The following YAF2 variants were observed in gnomAD, a reference collection of about 807,000 sequenced individuals.
YAF2 encodes YY1-associated factor 2.
A neutral mutation model predicts 20.1 loss-of-function variants in YAF2; 7 were observed. The observed-to-expected ratio is 0.35, with a 90% CI of 0.20 to 0.65. YAF2 has a LOEUF of 0.65. Among genes scored for constraint, YAF2 ranks in the 30% least tolerant of loss-of-function variants. The probability of loss-of-function intolerance (pLI) is 0.69; values close to 1 mark genes in which losing one functional copy is unlikely to be tolerated. For synonymous variants in YAF2, 74 were observed against 76.0 expected (o/e 0.97, Z 0.14); for missense variants, 151 against 219.2 (o/e 0.69, Z 1.96).
At chr12:42,225,538 C>T (rs770825439) in intron 2 of YAF2, among the ~76,000 whole-genome samples, 6 of 152,156 alleles carry the variant, frequency 3.9e-5, no homozygotes, top group African/African-American at 7.2e-5. Context: ...TTTAATCCAT[C>T]TTGAGTCAAT....
intron 2 of YAF2, among the ~76,000 whole-genome samples, chr12:42,188,820 C>T (rs2066539898): frequency 6.6e-6 from 1 of 151,906 alleles, no homozygotes; most frequent in South Asian, 2.1e-4. Flanking sequence ...CTATTACATG[C>T]AAGGCACTGT....
intron 2 of YAF2, among the ~76,000 whole-genome samples, chr12:42,205,029 T>A (rs1270024613): frequency 6.6e-6 from 1 of 151,530 alleles, no homozygotes; most frequent in Admixed American, 6.6e-5. Flanking sequence ...TAATATGGTA[T>A]GTGAATATCT....
chr12:42,178,170 C>T (rs1361582960), intron 2 of YAF2, among the ~76,000 whole-genome samples: 2 of 151,980 alleles, frequency 1.3e-5, no homozygotes, highest in Non-Finnish European at 2.9e-5. Context: ...AATGAATGAA[C>T]GTTAAACCAT....
At position 42,160,431 on chromosome 12, in the gene YAF2, T is replaced by C. The variant is rs2065773909; in HGVS notation, c.*158A>G. On this transcript the variant is annotated 3_prime_UTR_variant, in exon 4 of 4. Transcript: ENST00000534854. ...AAATGTTTGGTAGGCATCATTGCAA[T>C]AAAATCTAACAAATTCTAACAAATT... is the stretch of plus-strand genomic sequence containing the variant. 1 of 636,910 alleles carries C rather than the reference T, an allele frequency of 1.6e-6. No individual in the cohort carries two copies. The highest frequency in any genetic ancestry group is 2.6e-6 in the Non-Finnish European group (1 of 377,508). 39.5% of individuals were successfully genotyped at this position (636,910 alleles called of 1,614,324 possible).
chr12:42,210,108 A>G (rs1194402142), intron 2 of YAF2, among the ~76,000 whole-genome samples: 1 of 152,162 alleles, frequency 6.6e-6, no homozygotes, highest in Non-Finnish European at 1.5e-5. Flanking sequence ...AACTAAATGT[A>G]TAATTTTTTA....
rs542011031 is a variant in YAF2, at chr12:42,229,854, T to C, written c.152+7745A>G. Among the ~76,000 whole-genome samples the C allele has an allele frequency of 1.9e-4, 29 of 152,336 alleles. No homozygotes were observed. In the South Asian group the frequency reaches 2.9e-3, roughly 15 times the overall value. ...AAAATATAGTATCATTTTATGGGAC[T>C]GTATATGTGGTCCCCCACTCACCAA... On this transcript the variant is annotated intron_variant, in intron 2 of 3. Transcript: ENST00000534854.
intron 2 of YAF2, among the ~76,000 whole-genome samples, chr12:42,227,728 A>G (rs2067776719): frequency 1.4e-5 from 2 of 140,826 alleles, no homozygotes; most frequent in East Asian, 2.3e-4. Flanking sequence ...CCCGGCAGCC[A>G]CCCCGTCCGG....
At chr12:42,169,082 T>C (rs971461350) in intron 2 of YAF2, among the ~76,000 whole-genome samples, 2 of 152,208 alleles carry the variant, frequency 1.3e-5, no homozygotes, top group East Asian at 3.9e-4. Flanking sequence ...ATGTCTGCTA[T>C]TCTCTCAGTT....
At chr12:42,180,650 A>G (rs946020881) in intron 2 of YAF2, among the ~76,000 whole-genome samples, 1 of 152,296 alleles carries the variant, frequency 6.6e-6, no homozygotes, top group East Asian at 1.9e-4. Context: ...TTATACTATA[A>G]TATTTCAAGT....
intron 2 of YAF2, among the ~76,000 whole-genome samples, chr12:42,169,855 T>C (rs1005877469): frequency 2.0e-5 from 3 of 151,596 alleles, no homozygotes; most frequent in Non-Finnish European, 2.9e-5. Context: ...GTTTCCTTCC[T>C]TCCTTTTCTC....
At chr12:42,209,236 A>G (rs2067136582) in intron 2 of YAF2, among the ~76,000 whole-genome samples, 1 of 151,686 alleles carries the variant, frequency 6.6e-6, no homozygotes, top group Non-Finnish European at 1.5e-5. Context: ...TACATTGAAA[A>G]CTGTCATTAA....
At chr12:42,188,383 CTTTT>C (rs765727694) in intron 2 of YAF2, among the ~76,000 whole-genome samples, 1 of 118,832 alleles carries the variant, frequency 8.4e-6, no homozygotes, top group African/African-American at 3.1e-5. Context: ...ATATATTTTG[CTTTT>C]TTTTTTTTTT....
At chr12:42,169,085 T>C (rs980128837) in intron 2 of YAF2, among the ~76,000 whole-genome samples, 1 of 152,212 alleles carries the variant, frequency 6.6e-6, no homozygotes, top group African/African-American at 2.4e-5. Context: ...TCTGCTATTC[T>C]CTCAGTTGTG....
intron 2 of YAF2, among the ~76,000 whole-genome samples, chr12:42,179,410 T>C (rs1156814596): frequency 6.6e-6 from 1 of 152,136 alleles, no homozygotes; most frequent in Non-Finnish European, 1.5e-5. Context: ...AAAGAGGTTT[T>C]AGTGAGCCAA....
In YAF2 at chr12:42,168,781, T is replaced by C. The variant is rs1256380219; in HGVS notation, c.153-7016A>G. Reference sequence around the variant, plus strand: ...CTAAGGGCATATTTGCACATTTACATGTCATTTGGTTGAGATGGCCTGCCT... The same window carrying C: ...CTAAGGGCATATTTGCACATTTACACGTCATTTGGTTGAGATGGCCTGCCT... On this transcript the variant is annotated intron_variant, in intron 2 of 3. Transcript: ENST00000534854. Among the ~76,000 whole-genome samples, 9 of 152,164 alleles carry C rather than the reference T, an allele frequency of 5.9e-5. 1 individual carries two copies. The highest frequency in any genetic ancestry group is 4.6e-4 in the Admixed American group (7 of 15,274).
chr12:42,205,970 A>C, intron 2 of YAF2: 1 of 343,884 alleles, frequency 2.9e-6, no homozygotes, highest in Non-Finnish European at 5.8e-6. Flanking sequence ...TTGCTTCTCC[A>C]CTCCTCTGTG....
intron 2 of YAF2, among the ~76,000 whole-genome samples, chr12:42,214,832 C>T (rs572400357): frequency 2.0e-5 from 3 of 151,554 alleles, no homozygotes; most frequent in African/African-American, 7.3e-5. Context: ...GGCGAAACCC[C>T]TTCTCTACTA....
intron 2 of YAF2, chr12:42,232,601 C>G: frequency 1.0e-6 from 1 of 985,364 alleles, no homozygotes. Flanking sequence ...GGCTCAGGAA[C>G]CATGCATTTC....
chr12:42,198,081 A>G (rs1479674485), intron 2 of YAF2, among the ~76,000 whole-genome samples: 1 of 152,166 alleles, frequency 6.6e-6, no homozygotes, highest in Non-Finnish European at 1.5e-5. Context: ...AGCATATCCA[A>G]TCCCCATAGA....
Sources: gnomAD v4.1 joint callset for allele counts (sites outside exome capture counted in the v4.1 genomes callset) on GRCh38, gnomAD v4.1.1 for gene constraint, MANE v1.5 for transcripts, NCBI Gene and HGNC (gene_info 2026-07-23, HGNC 2026-07-21) for gene names.